ARHGEF12: variants seen among roughly 807,000 people sequenced by gnomAD.
ARHGEF12 encodes Rho guanine nucleotide exchange factor 12, also known as KMT2A/ARHGEF12 fusion protein.
ARHGEF12 carries 66 observed loss-of-function variants against 211.2 expected under a neutral mutation model. That is an observed-to-expected ratio of 0.31 (90% CI 0.26 to 0.38). The LOEUF (loss-of-function observed/expected upper bound fraction) is 0.38, where lower values mean the gene tolerates loss of function less well. Ranked by LOEUF, ARHGEF12 falls within the 10% of genes least tolerant of loss-of-function variation. ARHGEF12 has a pLI of 1.00. For synonymous variants in ARHGEF12, 592 were observed against 638.4 expected (o/e 0.93, Z 1.09); for missense variants, 1,429 against 1,869.5 (o/e 0.76, Z 4.34).
chr11:120,471,631 T>G (rs1248383273), intron 30 of ARHGEF12, among the ~76,000 whole-genome samples: 2 of 152,210 alleles, frequency 1.3e-5, no homozygotes, highest in East Asian at 1.9e-4. Flanking sequence ...TAAAAAGAAC[T>G]GTATGGATGT....
chr11:120,440,368 G>C (rs1460438177), intron 13 of ARHGEF12, 147 bp downstream of exon 13: 3 of 614,578 alleles, frequency 4.9e-6, no homozygotes, highest in Non-Finnish European at 8.2e-6. Flanking sequence ...TGGGTTAATT[G>C]CTTATTTTAG....
chr11:120,368,671 C>T (rs945384101), intron 1 of ARHGEF12, among the ~76,000 whole-genome samples: 9 of 152,062 alleles, frequency 5.9e-5, no homozygotes, highest in African/African-American at 2.2e-4. Flanking sequence ...CTGACCAATA[C>T]CAAAACTCAT....
At chr11:120,358,780 A>G (rs1361799724) in intron 1 of ARHGEF12, among the ~76,000 whole-genome samples, 1 of 152,178 alleles carries the variant, frequency 6.6e-6, no homozygotes, top group Non-Finnish European at 1.5e-5. Flanking sequence ...CAGTGCTGCC[A>G]AACATTTATC....
At chr11:120,462,984 G>A (rs574794210) in intron 27 of ARHGEF12, 1 of 152,272 alleles carries the variant, frequency 6.6e-6, no homozygotes, top group Non-Finnish European at 1.5e-5. Flanking sequence ...ACAGCTCCTG[G>A]TCAGCCATGT....
intron 10 of ARHGEF12, among the ~76,000 whole-genome samples, chr11:120,430,304 A>G (rs959957528): frequency 1.3e-5 from 2 of 152,178 alleles, no homozygotes; most frequent in Admixed American, 1.3e-4. Flanking sequence ...TCCAGTTTAC[A>G]TATATACTTA....
At position 120,438,272 on chromosome 11, in the gene ARHGEF12, T is replaced by C. The variant is rs1284280598; in HGVS notation, c.999+890T>C. 2.0e-5 allele frequency among the ~76,000 whole-genome samples: 3 copies of C among 152,066 alleles called. No individual in the cohort carries two copies. In the East Asian group the frequency reaches 5.8e-4, roughly 29 times the overall value. On this transcript the variant is annotated intron_variant, in intron 12 of 40. Coordinates refer to ENST00000397843, the MANE Select transcript of ARHGEF12 (RefSeq NM_015313.3). ...TGTCTGACTACTGCTCGAAACTAAT[T>C]TATGTTGTTTCACCTAATTTCTTTT...
At chr11:120,484,132 C>T (rs1013033130) in intron 39 of ARHGEF12, among the ~76,000 whole-genome samples, 2 of 152,188 alleles carry the variant, frequency 1.3e-5, no homozygotes, top group Admixed American at 6.5e-5. Flanking sequence ...AGCTCATGCA[C>T]ATGATGACGG....
chr11:120,418,973 T>A (rs1198884871), intron 4 of ARHGEF12, among the ~76,000 whole-genome samples: 1 of 152,068 alleles, frequency 6.6e-6, no homozygotes, highest in Non-Finnish European at 1.5e-5. Context: ...TTTCTTTTTC[T>A]TTTTCTTTCT....
At chr11:120,368,804 G>T (rs1943505832) in intron 1 of ARHGEF12, among the ~76,000 whole-genome samples, 1 of 151,970 alleles carries the variant, frequency 6.6e-6, no homozygotes, top group Non-Finnish European at 1.5e-5. Flanking sequence ...TTGTCATGGG[G>T]GTTTGTTGTA....
chr11:120,358,866 T>C (rs1012968314), intron 1 of ARHGEF12, among the ~76,000 whole-genome samples: 1 of 152,118 alleles, frequency 6.6e-6, no homozygotes, highest in Non-Finnish European at 1.5e-5. Flanking sequence ...TCTCATGAGG[T>C]TGCAGTCCAG....
chr11:120,477,606 T>A, intron 36 of ARHGEF12, 80 bp downstream of exon 36: 1 of 1,366,518 alleles, frequency 7.3e-7, no homozygotes. Flanking sequence ...GGCTCATGCC[T>A]GTAATCCCAG....
intron 4 of ARHGEF12, among the ~76,000 whole-genome samples, chr11:120,413,170 C>T (rs530805090): frequency 2.0e-5 from 3 of 152,254 alleles, no homozygotes; most frequent in South Asian, 4.1e-4. Flanking sequence ...TCTCCTTCAG[C>T]GTTTCATTTT....
intron 4 of ARHGEF12, among the ~76,000 whole-genome samples, chr11:120,416,527 G>C (rs183474740): frequency 6.6e-6 from 1 of 152,308 alleles, no homozygotes; most frequent in East Asian, 1.9e-4. Context: ...ACGTCCAGCT[G>C]TCTCTCATCT....
At chr11:120,400,223 T>G (rs1309335933) in intron 1 of ARHGEF12, among the ~76,000 whole-genome samples, 1 of 152,154 alleles carries the variant, frequency 6.6e-6, no homozygotes, top group Non-Finnish European at 1.5e-5. Context: ...ACTCTTATTT[T>G]TATTATTTTT....
chr11:120,367,573 T>G (rs1214612782), intron 1 of ARHGEF12, among the ~76,000 whole-genome samples: 1 of 151,806 alleles, frequency 6.6e-6, no homozygotes, highest in Non-Finnish European at 1.5e-5. Context: ...ACCATGTTGG[T>G]CAGGCTGGTC....
chr11:120,478,288 A>G lies in ARHGEF12; in HGVS notation c.3665A>G (p.Asp1222Gly), dbSNP rs1287167789. 6.2e-7 allele frequency: 1 copy of G among 1,614,216 alleles called. No individual in the cohort carries two copies. The highest frequency in any genetic ancestry group is 8.5e-7 in the Non-Finnish European group (1 of 1,180,028). Reference protein sequence around the residue: ...ERQFAKEQHTDGTLKEVGEDY... With the variant: ...ERQFAKEQHTGGTLKEVGEDY... ...CAGTTTGCAAAGGAACAACATACAG[A>G]TGGGACACTAAAGGAAGTTGGAGAA... The change falls in exon 37 of 41, where the codon GAT (aspartate) becomes GGT (glycine). Residue 1222 changes from aspartate (D) to glycine (G), a missense_variant. By Grantham distance (94) the Asp-to-Gly change is moderately conservative (BLOSUM62 -1). Around this residue, in one of 7 missense-constraint regions of ARHGEF12, gnomAD observed 467 missense variants for 468.4 expected, o/e 1.00. Transcript: ENST00000397843.
chr11:120,395,783 T>C (rs1309161571), intron 1 of ARHGEF12, among the ~76,000 whole-genome samples: 1 of 152,016 alleles, frequency 6.6e-6, no homozygotes, highest in Non-Finnish European at 1.5e-5. Flanking sequence ...ATGATTCAAT[T>C]ACCTCCCACC....
At chr11:120,397,940 A>G (rs535834491) in intron 1 of ARHGEF12, among the ~76,000 whole-genome samples, 11 of 152,316 alleles carry the variant, frequency 7.2e-5, no homozygotes, top group African/African-American at 2.6e-4. Context: ...ATGCATAACA[A>G]TGCTGGGTGT....
chr11:120,403,819 T>C (rs1158977469), intron 1 of ARHGEF12, among the ~76,000 whole-genome samples: 1 of 152,216 alleles, frequency 6.6e-6, no homozygotes, highest in Non-Finnish European at 1.5e-5. Context: ...CATGATTTCA[T>C]GATTAGACTA....
Sources: allele counts gnomAD v4.1 joint callset (sites outside exome capture counted in the v4.1 genomes callset), GRCh38; gene constraint gnomAD v4.1.1; regional missense constraint gnomAD v4.1.1; transcripts MANE v1.5; gene names NCBI Gene and HGNC (gene_info 2026-07-23, HGNC 2026-07-21).